The following PIAS1 variants were observed in gnomAD, a reference collection of about 807,000 sequenced individuals.
The protein encoded by PIAS1 is E3 SUMO-protein ligase PIAS1.
In PIAS1, 6 loss-of-function variants were observed where a neutral mutation model predicts 71.3. The observed-to-expected ratio is 0.08, with a 90% CI of 0.05 to 0.17. The LOEUF (loss-of-function observed/expected upper bound fraction) is 0.17, where lower values mean the gene tolerates loss of function less well. PIAS1 is among the 10% of genes least tolerant of loss of function. The probability of loss-of-function intolerance (pLI) is 1.00; values close to 1 mark genes in which losing one functional copy is unlikely to be tolerated. For missense variants in PIAS1, 555 were observed against 793.6 expected (o/e 0.70, Z 3.61); for synonymous variants, 303 against 292.9 (o/e 1.03, Z -0.35).
At chr15:68,088,168 A>ATGTGTG (rs1555424824) in intron 2 of PIAS1, among the ~76,000 whole-genome samples, 7 of 120,006 alleles carry the variant, frequency 5.8e-5, no homozygotes, top group African/African-American at 2.3e-4. Context: ...CTGTCTGATT[A>ATGTGTG]TGTGTGTGTA....
intron 7 of PIAS1, among the ~76,000 whole-genome samples, chr15:68,161,220 A>G (rs565736038): frequency 2.0e-5 from 3 of 152,208 alleles, no homozygotes; most frequent in Non-Finnish European, 4.4e-5. Flanking sequence ...AATATGAAAC[A>G]CGTGGGGATA....
rs1405150620 is a variant in PIAS1 at position 68,088,262 on chromosome 15, C to T, written c.469+1512C>T. ...CATATCTCTGTATATGGTCTGTGTA[C>T]ATGTATGTATGTGTACATATGTGTT... On this transcript the variant is annotated intron_variant, in intron 2 of 13. Coordinates refer to ENST00000249636, the MANE Select transcript of PIAS1 (RefSeq NM_016166.3). Among the ~76,000 whole-genome samples the T allele has an allele frequency of 2.0e-4, 28 of 139,366 alleles. No homozygotes were observed. In the Admixed American group the frequency reaches 2.0e-3, roughly 10 times the overall value. The allele number at this position is 139,366 out of a possible 152,430, so 91.4% of individuals were successfully genotyped here. A position where few individuals can be genotyped will look rare whatever the true frequency, so the allele number is the denominator to read the frequency against.
rs144910723 is a variant in PIAS1 at position 68,065,280 on chromosome 15, T to C, written c.24+10930T>C. ...CCTTTCACCTTCCCACTCATGGTAT[T>C]TTTTATAACTTAAAAGGAAAAATAA... On this transcript the variant is annotated intron_variant, in intron 1 of 13. Transcript: ENST00000249636. 2.4e-4 allele frequency among the ~76,000 whole-genome samples: 36 copies of C among 152,202 alleles called. 1 individual carries two copies. In the East Asian group the frequency reaches 6.7e-3, roughly 29 times the overall value.
chr15:68,096,008 G>A (rs377107223), intron 2 of PIAS1, among the ~76,000 whole-genome samples: 194 of 152,218 alleles, frequency 1.3e-3, no homozygotes, highest in African/African-American at 4.5e-3. Flanking sequence ...CCGAATGTTG[G>A]ATGTAGTATT....
At position 68,138,989 on chromosome 15, in the gene PIAS1, C is replaced by T. The variant is rs956739570; in HGVS notation, c.470-2957C>T. Among the ~76,000 whole-genome samples the T allele has an allele frequency of 3.3e-5, 5 of 152,074 alleles. No homozygotes were observed. In the South Asian group the frequency reaches 6.2e-4, roughly 19 times the overall value. On this transcript the variant is annotated intron_variant, in intron 2 of 13. Transcript: ENST00000249636. ...GTGTGGCATCAGTGGGTGGAAGTTA[C>T]GGCCTCATATATTTTGACTCAGTAT...
chr15:68,164,651 A>G, intron 7 of PIAS1, 80 bp from the exon 8 acceptor site: 1 of 728,274 alleles, frequency 1.4e-6, no homozygotes, highest in Non-Finnish European at 2.3e-6. Flanking sequence ...TAAGCTTTTT[A>G]TTCTTTATAG....
chr15:68,133,257 A>G (rs574848106), intron 2 of PIAS1, among the ~76,000 whole-genome samples: 35 of 152,212 alleles, frequency 2.3e-4, no homozygotes, highest in African/African-American at 8.2e-4. Flanking sequence ...CTATGATAGA[A>G]ATAAAACCTT....
chr15:68,160,859 G>A (rs1011251853), intron 7 of PIAS1, among the ~76,000 whole-genome samples: 1 of 152,122 alleles, frequency 6.6e-6, no homozygotes, highest in Non-Finnish European at 1.5e-5. Flanking sequence ...CATCACTAAT[G>A]GTCTAAAACT....
chr15:68,135,471 C>T (rs1331908501), intron 2 of PIAS1, among the ~76,000 whole-genome samples: 6 of 11,462 alleles, frequency 5.2e-4, no homozygotes, highest in South Asian at 2.8e-3. Context: ...ACCCCCCGGA[C>T]GGGGCGGCTG....
chr15:68,117,675 A>T (rs2092577216), intron 2 of PIAS1, among the ~76,000 whole-genome samples: 1 of 152,232 alleles, frequency 6.6e-6, no homozygotes, highest in African/African-American at 2.4e-5. Context: ...GTGTTGCCAC[A>T]AAAGACAGGA....
intron 1 of PIAS1, among the ~76,000 whole-genome samples, chr15:68,059,617 A>G (rs570687103): frequency 2.0e-5 from 3 of 150,676 alleles, no homozygotes; most frequent in Admixed American, 6.6e-5. Flanking sequence ...AGGCTGAGGC[A>G]GGAGAATCGC....
chr15:68,067,847 C>T lies in PIAS1; in HGVS notation c.24+13497C>T, dbSNP rs760515912. 2.6e-5 allele frequency among the ~76,000 whole-genome samples: 4 copies of T among 152,022 alleles called. No individual in the cohort carries two copies. In the South Asian group the frequency reaches 8.3e-4, roughly 32 times the overall value. ...AACCTTGAGGCCTTCCTTTGTGCAC[C>T]CTCATCCTCTCTTCCCCATTTCTTC... is the stretch of plus-strand genomic sequence containing the variant. On this transcript the variant is annotated intron_variant, in intron 1 of 13. Transcript: ENST00000249636.
At chr15:68,068,369 G>C (rs1056887934) in intron 1 of PIAS1, among the ~76,000 whole-genome samples, 1 of 152,124 alleles carries the variant, frequency 6.6e-6, no homozygotes, top group African/African-American at 2.4e-5. Context: ...GCCAATATAT[G>C]TGCTCATAGA....
rs2092989477 is a variant in PIAS1 at position 68,171,255 on chromosome 15, C to T, written c.1009-2477C>T. Among the ~76,000 whole-genome samples the T allele has an allele frequency of 1.3e-5, 2 of 152,078 alleles. No homozygotes were observed. The highest frequency in any genetic ancestry group is 1.3e-4 in the Admixed American group (2 of 15,276). On this transcript the variant is annotated intron_variant, in intron 8 of 13. Coordinates refer to ENST00000249636, the MANE Select transcript of PIAS1 (RefSeq NM_016166.3). This position sits in a 1 kb window ranked among gnomAD's most constrained non-coding sequence, Gnocchi z 4.4. Reference sequence around the variant, plus strand: ...GAACGTCTTCAGTGGCAGTAACAGACATGGAGCTGTTCTCTCTTATGGTAA... The same window carrying T: ...GAACGTCTTCAGTGGCAGTAACAGATATGGAGCTGTTCTCTCTTATGGTAA...
At chr15:68,139,645 AT>A (rs1344635069) in intron 2 of PIAS1, among the ~76,000 whole-genome samples, 9 of 152,134 alleles carry the variant, frequency 5.9e-5, no homozygotes, top group Non-Finnish European at 1.0e-4. Context: ...TTGTCAGTTA[AT>A]TTTTTTAACC....
Position 68,054,606 on chromosome 15 carries a change from G to T in PIAS1, c.24+256G>T. On this transcript the variant is annotated intron_variant, in intron 1 of 13. Coordinates refer to ENST00000249636, the MANE Select transcript of PIAS1 (RefSeq NM_016166.3). This position sits in a 1 kb window ranked among gnomAD's most constrained non-coding sequence, Gnocchi z 4.6. ...GTGGGCGCCTCTGGCGGGGGTGGCG[G>T]GGGAAGAGATAGGGAGTCCGGAGGT... is the stretch of plus-strand genomic sequence containing the variant. The T allele has an allele frequency of 2.3e-6, 1 of 425,746 alleles. No homozygotes were observed. Among genetic ancestry groups the T allele is most frequent in the Non-Finnish European group, 4.2e-6 (1 of 239,568 alleles). The allele number at this position is 425,746 out of a possible 1,614,324, so 26.4% of individuals were successfully genotyped here. A position where few individuals can be genotyped will look rare whatever the true frequency, so the allele number is the denominator to read the frequency against.
chr15:68,146,066 TAGC>T (rs1233992500), intron 5 of PIAS1, among the ~76,000 whole-genome samples, 160 bp downstream of exon 5: 1 of 152,220 alleles, frequency 6.6e-6, no homozygotes, highest in Non-Finnish European at 1.5e-5. Context: ...TATGTACAGT[TAGC>T]AGCAGTGACA....
At position 68,161,742 on chromosome 15, in the gene PIAS1, C is replaced by A. The variant is rs535465103; in HGVS notation, c.935-2989C>A. Among the ~76,000 whole-genome samples the A allele has an allele frequency of 2.0e-5, 3 of 151,882 alleles. No individual in the cohort carries two copies. The East Asian group carries it at 5.9e-4, about 30-fold the overall frequency. ...GGTTGGGAGTTTGAGACCAGCCTGG[C>A]CAATATGGTGAAACCCTGTCTCTGC... On this transcript the variant is annotated intron_variant, in intron 7 of 13. Coordinates refer to ENST00000249636, the MANE Select transcript of PIAS1 (RefSeq NM_016166.3).
chr15:68,142,117 G>A (rs2092774891), intron 3 of PIAS1, 87 bp downstream of exon 3: 2 of 984,014 alleles, frequency 2.0e-6, no homozygotes, highest in South Asian at 1.4e-5. Flanking sequence ...TGATTGGTGA[G>A]TTAGTATTTG....
Sources: allele counts gnomAD v4.1 joint callset (sites outside exome capture counted in the v4.1 genomes callset), GRCh38; gene constraint gnomAD v4.1.1; non-coding constraint Gnocchi (gnomAD v3.1); transcripts MANE v1.5; gene names NCBI Gene and HGNC (gene_info 2026-07-23, HGNC 2026-07-21).